Variants in HDAC9 observed in about 807,000 individuals in gnomAD.
HDAC9 encodes histone deacetylase 9.
In HDAC9, 41 loss-of-function variants were observed where a neutral mutation model predicts 139.4. That is an observed-to-expected ratio of 0.29 (90% CI 0.23 to 0.38). The LOEUF is 0.38. Among genes scored for constraint, HDAC9 ranks in the 10% least tolerant of loss-of-function variants. HDAC9 has a pLI of 1.00. For synonymous variants in HDAC9, 517 were observed against 476.2 expected (o/e 1.09, Z -1.12); for missense variants, 1,147 against 1,297.0 (o/e 0.88, Z 1.78).
chr7:18,142,829 C>G (rs1786007246), intron 1 of HDAC9, among the ~76,000 whole-genome samples: 2 of 152,320 alleles, frequency 1.3e-5, no homozygotes, highest in East Asian at 3.9e-4. Flanking sequence ...TTCACAACTT[C>G]TGCCTCCTCC....
chr7:18,221,533 T>C (rs1792705604), intron 2 of HDAC9, among the ~76,000 whole-genome samples: 1 of 152,186 alleles, frequency 6.6e-6, no homozygotes. Context: ...ACAGTATCCT[T>C]ATAAAGCAGA....
intron 2 of HDAC9, among the ~76,000 whole-genome samples, chr7:18,229,883 C>T (rs1442444654): frequency 6.6e-6 from 1 of 152,050 alleles, no homozygotes; most frequent in Non-Finnish European, 1.5e-5. Context: ...AAACCAGAAG[C>T]CTATTTACTA....
intron 21 of HDAC9, among the ~76,000 whole-genome samples, chr7:18,849,101 C>T (rs947062905): frequency 3.9e-5 from 6 of 152,120 alleles, no homozygotes; most frequent in African/African-American, 9.7e-5. Flanking sequence ...AACAGTCCAT[C>T]GCTAATTCAG....
intron 12 of HDAC9, among the ~76,000 whole-genome samples, chr7:18,711,229 G>A (rs541980110): frequency 1.3e-5 from 2 of 152,226 alleles, no homozygotes; most frequent in South Asian, 4.2e-4. Context: ...GCTCCTCATT[G>A]CCCCAAAGTA....
chr7:18,890,145 C>G (rs2129268142), intron 22 of HDAC9, among the ~76,000 whole-genome samples: 1 of 152,294 alleles, frequency 6.6e-6, no homozygotes, highest in East Asian at 1.9e-4. Context: ...AGCCTAAAGC[C>G]TGACATTTAG....
At chr7:18,904,459 G>T (rs143861763) in intron 22 of HDAC9, among the ~76,000 whole-genome samples, 122 of 149,950 alleles carry the variant, frequency 8.1e-4, no homozygotes, top group African/African-American at 2.9e-3. Flanking sequence ...GGATGAATTT[G>T]TTATAAAACA....
chr7:18,778,726 C>T (rs1220833176), intron 16 of HDAC9, among the ~76,000 whole-genome samples: 1 of 151,988 alleles, frequency 6.6e-6, no homozygotes, highest in Non-Finnish European at 1.5e-5. Context: ...CTATGAGTCC[C>T]CCGGATCTTA....
intron 23 of HDAC9, among the ~76,000 whole-genome samples, chr7:18,947,727 T>C (rs1269520339): frequency 6.6e-6 from 1 of 151,948 alleles, no homozygotes; most frequent in Non-Finnish European, 1.5e-5. Context: ...GAATGGATGG[T>C]AGGAAGAATC....
chr7:19,000,362 C>T lies in HDAC9; in HGVS notation c.*4300C>T, dbSNP rs1190196747. The stretch of plus-strand genomic sequence containing the variant: ...GCATATTTGCATCAAAAATCACAGT[C>T]CTTGCCTCCTTGCTTGCTTTTACTC... On this transcript the variant is annotated 3_prime_UTR_variant, in exon 26 of 26. Coordinates refer to ENST00000686413, the MANE Select transcript of HDAC9 (RefSeq NM_178425.4). 1.3e-5 allele frequency: 2 copies of T among 152,202 alleles called. No individual in the cohort carries two copies. The highest frequency in any genetic ancestry group is 2.1e-4 in the South Asian group (1 of 4,836). The allele number at this position is 152,202 out of a possible 1,614,324, so 9.4% of individuals were successfully genotyped here.
chr7:18,872,931 T>G (rs1043849314), intron 21 of HDAC9, among the ~76,000 whole-genome samples: 1 of 152,158 alleles, frequency 6.6e-6, no homozygotes, highest in Non-Finnish European at 1.5e-5. Context: ...TACTGAATTT[T>G]GTAGAAGCAT....
Position 18,998,917 on chromosome 7 carries a change from A to T in HDAC9, c.*2855A>T, listed in dbSNP as rs2129356582. 1 of 152,316 alleles carries T rather than the reference A, an allele frequency of 6.6e-6. No homozygotes were observed. Among genetic ancestry groups the T allele is most frequent in the African/African-American group, 2.4e-5 (1 of 41,560 alleles). The allele number at this position is 152,316 out of a possible 1,614,324, so 9.4% of individuals were successfully genotyped here. A position where few individuals can be genotyped will look rare whatever the true frequency, so the allele number is the denominator to read the frequency against. Reference sequence around the variant, plus strand: ...AGAAGGCTTAAAAATTAATTTTCCCAATTGTATAATTTGGGGCTGTATATT... The same window carrying T: ...AGAAGGCTTAAAAATTAATTTTCCCTATTGTATAATTTGGGGCTGTATATT... On this transcript the variant is annotated 3_prime_UTR_variant, in exon 26 of 26. Transcript: ENST00000686413.
intron 17 of HDAC9, among the ~76,000 whole-genome samples, chr7:18,805,876 C>G (rs1793663864): frequency 6.6e-6 from 1 of 152,074 alleles, no homozygotes; most frequent in Non-Finnish European, 1.5e-5. Context: ...GTAAAGTAAG[C>G]AGGAAGGAAG....
chr7:18,492,018 C>T (rs1327770003), upstream of HDAC9, among the ~76,000 whole-genome samples: 4 of 151,940 alleles, frequency 2.6e-5, no homozygotes, highest in African/African-American at 9.7e-5. Flanking sequence ...TCTCCTTAAC[C>T]ATACTTAATT....
chr7:18,360,672 T>A (rs1480125841), intron 1 of HDAC9, among the ~76,000 whole-genome samples: 1 of 152,224 alleles, frequency 6.6e-6, no homozygotes, highest in Non-Finnish European at 1.5e-5. Flanking sequence ...TTCCTTTCAT[T>A]TAGTTACTAC....
rs148895651 is a variant in HDAC9 at position 18,801,725 on chromosome 7, G to T, written c.2322+8273G>T. Among the ~76,000 whole-genome samples the T allele has an allele frequency of 2.0e-3, 299 of 152,114 alleles. 3 individuals are homozygous for T. The highest frequency in any genetic ancestry group is 6.6e-4 in the Non-Finnish European group (45 of 67,884). ...AGAGCCTTGTTATTTAGGAAGATTT[G>T]TAACTACTGATTCAAATTCTTTCAT... On this transcript the variant is annotated intron_variant, in intron 17 of 25. Coordinates refer to ENST00000686413, the MANE Select transcript of HDAC9 (RefSeq NM_178425.4).
At chr7:18,678,098 A>G (rs957942405) in intron 12 of HDAC9, among the ~76,000 whole-genome samples, 9 of 151,934 alleles carry the variant, frequency 5.9e-5, no homozygotes, top group African/African-American at 2.2e-4. Context: ...TTTGTTAGAA[A>G]TCAATTGAAC....
At chr7:18,493,073 A>G (rs114699200), upstream of HDAC9, among the ~76,000 whole-genome samples, 256 of 152,120 alleles carry the variant, frequency 1.7e-3, 1 homozygote, top group African/African-American at 5.9e-3. Flanking sequence ...TTTATGTGGA[A>G]TGCCCTTTCC....
chr7:18,433,402 G>A (rs1450721159), intron 1 of HDAC9, among the ~76,000 whole-genome samples: 1 of 152,144 alleles, frequency 6.6e-6, no homozygotes, highest in Non-Finnish European at 1.5e-5. Context: ...AAGCAGTCAG[G>A]CAAGAGAAGG....
intron 2 of HDAC9, among the ~76,000 whole-genome samples, chr7:18,557,342 T>TG (rs1819123758): frequency 2.0e-5 from 3 of 148,904 alleles, no homozygotes; most frequent in Non-Finnish European, 3.0e-5. Flanking sequence ...ATGATGAGTT[T>TG]TTTTTTTTTT....
Sources: gnomAD v4.1 joint callset for allele counts (sites outside exome capture counted in the v4.1 genomes callset) on GRCh38, gnomAD v4.1.1 for gene constraint, MANE v1.5 for transcripts, NCBI Gene and HGNC (gene_info 2026-07-23, HGNC 2026-07-21) for gene names.